The following CAMK1D variants were observed in gnomAD, a reference collection of about 807,000 sequenced individuals.
CAMK1D encodes the protein calcium/calmodulin-dependent protein kinase type 1D.
Under a neutral mutation model 47.7 loss-of-function variants are expected in CAMK1D, and 9 were observed. The ratio of observed to expected loss-of-function variants is 0.19; its 90% confidence interval spans 0.11 to 0.33. CAMK1D has a LOEUF of 0.33. Among genes scored for constraint, CAMK1D ranks in the 10% least tolerant of loss-of-function variants. The pLI, the probability that CAMK1D is intolerant of heterozygous loss-of-function variation, is 1.00. For missense variants in CAMK1D, 291 were observed against 488.7 expected, an observed-to-expected ratio of 0.60 and a Z score of 3.81; for synonymous variants, 184 against 184.9, an observed-to-expected ratio of 0.99 and a Z score of 0.04.
chr10:12,816,479 C>T, intron 8 of CAMK1D, 151 bp downstream of exon 8: 1 of 651,852 alleles, frequency 1.5e-6, no homozygotes, highest in South Asian at 2.0e-5. Context: ...CTCCTCTCCC[C>T]AAGCCAACAT....
chr10:12,731,773 T>C, intron 3 of CAMK1D, among the ~76,000 whole-genome samples: 1 of 152,112 alleles, frequency 6.6e-6, no homozygotes, highest in South Asian at 2.1e-4. Flanking sequence ...ATTATCGGAA[T>C]CTGGGTGTTA....
At chr10:12,534,888 GC>G (rs1835920124) in intron 1 of CAMK1D, among the ~76,000 whole-genome samples, 1 of 140,328 alleles carries the variant, frequency 7.1e-6, no homozygotes, top group Non-Finnish European at 1.6e-5. Flanking sequence ...GTGTTTGTGG[GC>G]CAGCCTGGAA....
At chr10:12,475,827 AG>A (rs1318640312) in intron 1 of CAMK1D, among the ~76,000 whole-genome samples, 3 of 152,152 alleles carry the variant, frequency 2.0e-5, no homozygotes, top group Non-Finnish European at 2.9e-5. Context: ...TGTATTCAAT[AG>A]GAACCACAGT....
intron 3 of CAMK1D, among the ~76,000 whole-genome samples, chr10:12,716,679 A>G (rs1347059098): frequency 1.3e-5 from 2 of 152,100 alleles, no homozygotes; most frequent in Non-Finnish European, 2.9e-5. Context: ...AATTGGAACA[A>G]TTCAACTAAA....
At chr10:12,736,740 C>G (rs1835207955) in intron 3 of CAMK1D, among the ~76,000 whole-genome samples, 1 of 152,218 alleles carries the variant, frequency 6.6e-6, no homozygotes, top group South Asian at 2.1e-4. Context: ...CACCATCTCC[C>G]TGGCCGCTCT....
At chr10:12,355,792 A>G (rs1315404404) in intron 1 of CAMK1D, among the ~76,000 whole-genome samples, 1 of 152,148 alleles carries the variant, frequency 6.6e-6, no homozygotes, top group African/African-American at 2.4e-5. Context: ...GCTATATTCT[A>G]GGCACCGAGG....
intron 3 of CAMK1D, among the ~76,000 whole-genome samples, chr10:12,703,925 A>G (rs1197312469): frequency 3.9e-5 from 6 of 152,174 alleles, no homozygotes; most frequent in Non-Finnish European, 8.8e-5. Flanking sequence ...AAAAGCTGTC[A>G]CAAAATAAGC....
intron 2 of CAMK1D, among the ~76,000 whole-genome samples, chr10:12,655,443 A>G (rs564636775): frequency 6.6e-6 from 1 of 152,358 alleles, no homozygotes; most frequent in African/African-American, 2.4e-5. Flanking sequence ...TTCACTGGTA[A>G]CTTCTCATGG....
intron 2 of CAMK1D, among the ~76,000 whole-genome samples, chr10:12,640,687 T>C (rs182230345): frequency 3.0e-4 from 45 of 152,330 alleles, no homozygotes; most frequent in African/African-American, 9.9e-4. Flanking sequence ...CTTTACACTT[T>C]ACACAGTCTC....
At chr10:12,743,553 TACA>T in intron 3 of CAMK1D, among the ~76,000 whole-genome samples, 1 of 152,310 alleles carries the variant, frequency 6.6e-6, no homozygotes, top group South Asian at 2.1e-4. Context: ...TTTCAAGTTG[TACA>T]ACTCAGTACA....
At chr10:12,447,174 A>G (rs1336997804) in intron 1 of CAMK1D, among the ~76,000 whole-genome samples, 26 of 152,170 alleles carry the variant, frequency 1.7e-4, no homozygotes, top group Admixed American at 1.7e-3. Flanking sequence ...AGAAGGCACC[A>G]CTTTCAAGAG....
At chr10:12,575,002 C>T (rs1397288824) in intron 2 of CAMK1D, among the ~76,000 whole-genome samples, 3 of 152,192 alleles carry the variant, frequency 2.0e-5, no homozygotes, top group African/African-American at 7.2e-5. Flanking sequence ...TCCCACCAGG[C>T]CCCACCTCCA....
intron 1 of CAMK1D, among the ~76,000 whole-genome samples, chr10:12,518,021 G>A (rs1835262519): frequency 6.6e-6 from 1 of 152,114 alleles, no homozygotes; most frequent in African/African-American, 2.4e-5. Flanking sequence ...TGGACCTTCA[G>A]TTTTCTTTTT....
At chr10:12,515,975 T>G (rs1003489873) in intron 1 of CAMK1D, among the ~76,000 whole-genome samples, 1 of 152,100 alleles carries the variant, frequency 6.6e-6, no homozygotes, top group African/African-American at 2.4e-5. Context: ...TTAGCATAAT[T>G]TCTTTGGAGA....
chr10:12,598,486 T>C (rs1838208338), intron 2 of CAMK1D, among the ~76,000 whole-genome samples: 1 of 152,238 alleles, frequency 6.6e-6, no homozygotes, highest in African/African-American at 2.4e-5. Flanking sequence ...GCATTTTCCA[T>C]ATCTCAGGAA....
chr10:12,444,503 T>G (rs1184498522), intron 1 of CAMK1D, among the ~76,000 whole-genome samples: 5 of 152,184 alleles, frequency 3.3e-5, no homozygotes, highest in Non-Finnish European at 7.3e-5. Context: ...TGTGAACATG[T>G]GCCCAAGGTG....
chr10:12,374,415 G>C (rs762990044), intron 1 of CAMK1D, among the ~76,000 whole-genome samples: 17 of 152,052 alleles, frequency 1.1e-4, no homozygotes, highest in Admixed American at 5.2e-4. Context: ...CCTAAAACAC[G>C]GTACCGTGTC....
Position 12,481,871 on chromosome 10 carries a change from G to A in CAMK1D, c.93-71354G>A, listed in dbSNP as rs558999775. On this transcript the variant is annotated intron_variant, in intron 1 of 10. Coordinates refer to ENST00000619168, the MANE Select transcript of CAMK1D (RefSeq NM_153498.4). ...TTGCTTTTGTCTGTGGAGTGGGCAG[G>A]AAGAACCCATTGGGCAATTACAAGC... 3.9e-5 allele frequency among the ~76,000 whole-genome samples: 6 copies of A among 152,298 alleles called. No homozygotes were observed. The East Asian group carries it at 1.2e-3, about 29-fold the overall frequency.
intron 1 of CAMK1D, among the ~76,000 whole-genome samples, chr10:12,356,814 G>C (rs1837534183): frequency 1.3e-5 from 2 of 152,074 alleles, no homozygotes; most frequent in Non-Finnish European, 2.9e-5. Context: ...GTGGGAGTTT[G>C]GGTAGAGCTT....
Sources: allele counts gnomAD v4.1 joint callset (sites outside exome capture counted in the v4.1 genomes callset), GRCh38; gene constraint gnomAD v4.1.1; transcripts MANE v1.5; gene names NCBI Gene and HGNC (gene_info 2026-07-23, HGNC 2026-07-21).